The following ARMC7 variants were observed in gnomAD, a reference collection of about 807,000 sequenced individuals.
ARMC7 encodes the protein armadillo repeat-containing protein 7.
In ARMC7, 9 loss-of-function variants were observed where a neutral mutation model predicts 14.8. The ratio of observed to expected loss-of-function variants is 0.61; its 90% CI spans 0.37 to 1.06. ARMC7 has a LOEUF of 1.06. ARMC7 is among the 50% of genes least tolerant of loss of function. ARMC7 has a pLI of 0.01. For synonymous variants in ARMC7, 125 were observed against 123.4 expected (o/e 1.01, Z -0.09); for missense variants, 262 against 267.1 (o/e 0.98, Z 0.13).
chr17:75,127,760 A>G (rs1307076462), intron 2 of ARMC7, among the ~76,000 whole-genome samples: 1 of 152,054 alleles, frequency 6.6e-6, no homozygotes, highest in East Asian at 1.9e-4. Context: ...ATGCCTGGCT[A>G]ATTGTGTGTG....
At chr17:75,116,744 G>A (rs537977145) in intron 2 of ARMC7, among the ~76,000 whole-genome samples, 25 of 152,330 alleles carry the variant, frequency 1.6e-4, no homozygotes, top group Non-Finnish European at 2.4e-4. Flanking sequence ...ATTGTGGAGC[G>A]AAAGCGAGAA....
rs989033614 is a variant in ARMC7 at position 75,128,947 on chromosome 17, C to T, written c.506C>T (p.Ser169Phe). Reference protein sequence around the residue: ...LAQIFLEDFCSPRQVAEARSR... With the variant: ...LAQIFLEDFCFPRQVAEARSR... ...CAGATCTTCCTGGAGGACTTCTGCT[C>T]CCCCCGCCAGGTGGCCGAGGCCCGC... The change falls in exon 3 of 3, where the codon TCC becomes TTC. Residue 169 changes from serine to phenylalanine, a missense_variant. Coordinates refer to ENST00000245543, the MANE Select transcript of ARMC7 (RefSeq NM_024585.4). 17 of 1,605,720 alleles carry T rather than the reference C, an allele frequency of 1.1e-5. No individual in the cohort carries two copies. Among genetic ancestry groups the T allele is most frequent in the East Asian group, 2.2e-5 (1 of 44,842 alleles).
chr17:75,126,015 T>A (rs1044108214), intron 2 of ARMC7, among the ~76,000 whole-genome samples: 3 of 152,126 alleles, frequency 2.0e-5, no homozygotes, highest in Non-Finnish European at 4.4e-5. Context: ...CTTAGTTGGG[T>A]TTCAGGTTCA....
chr17:75,117,049 A>G lies in ARMC7; in HGVS notation c.235+6443A>G, dbSNP rs543880106. Among the ~76,000 whole-genome samples the G allele has an allele frequency of 2.0e-5, 3 of 152,274 alleles. No homozygotes were observed. The East Asian group carries it at 5.8e-4, about 29-fold the overall frequency. On this transcript the variant is annotated intron_variant, in intron 2 of 2. Transcript: ENST00000245543. Reference sequence around the variant, plus strand: ...AAGGCCAATTACTGACAAAAATCGCAGTGAGAAAGTGAGGCTTTGTTTTTG... The same window carrying G: ...AAGGCCAATTACTGACAAAAATCGCGGTGAGAAAGTGAGGCTTTGTTTTTG...
intron 2 of ARMC7, among the ~76,000 whole-genome samples, chr17:75,120,586 G>A (rs1253413851): frequency 6.6e-6 from 1 of 152,072 alleles, no homozygotes; most frequent in Non-Finnish European, 1.5e-5. Flanking sequence ...AGGCCGAGGC[G>A]GGCGGATCAC....
At chr17:75,119,713 GC>G (rs766063110) in intron 2 of ARMC7, among the ~76,000 whole-genome samples, 1 of 151,248 alleles carries the variant, frequency 6.6e-6, no homozygotes, top group Non-Finnish European at 1.5e-5. Flanking sequence ...GCCTGCCTCG[GC>G]CCTCTCAAAG....
intron 2 of ARMC7, among the ~76,000 whole-genome samples, chr17:75,126,296 ACAT>A: frequency 6.6e-6 from 1 of 152,256 alleles, no homozygotes; most frequent in South Asian, 2.1e-4. Context: ...AGAGGTCATT[ACAT>A]TGAGGGGGCC....
chr17:75,122,617 C>T (rs1426828074), intron 2 of ARMC7, among the ~76,000 whole-genome samples: 1 of 152,060 alleles, frequency 6.6e-6, no homozygotes, highest in Non-Finnish European at 1.5e-5. Flanking sequence ...CCTGCCTCAC[C>T]ACCCAAAGTG....
intron 2 of ARMC7, among the ~76,000 whole-genome samples, chr17:75,123,555 G>T (rs1015753094): frequency 6.6e-6 from 1 of 151,748 alleles, no homozygotes; most frequent in Non-Finnish European, 1.5e-5. Context: ...GAGTTTCACC[G>T]TGTTAGCCAG....
At chr17:75,111,599 A>T (rs2073923429) in intron 2 of ARMC7, among the ~76,000 whole-genome samples, 1 of 151,590 alleles carries the variant, frequency 6.6e-6, no homozygotes, top group Non-Finnish European at 1.5e-5. Flanking sequence ...AAAAAAAAAA[A>T]AAATTAGTCT....
At chr17:75,124,419 C>T (rs535384088) in intron 2 of ARMC7, among the ~76,000 whole-genome samples, 1 of 152,312 alleles carries the variant, frequency 6.6e-6, no homozygotes, top group South Asian at 2.1e-4. Flanking sequence ...GTGGCAGTGC[C>T]CTGCCCAGGC....
At position 75,129,027 on chromosome 17, in the gene ARMC7, C is replaced by T. The variant is rs373335843; in HGVS notation, c.586C>T (p.Arg196Trp). The T allele has an allele frequency of 3.2e-5, 51 of 1,596,658 alleles. No homozygotes were observed. The highest frequency in any genetic ancestry group is 8.0e-5 in the African/African-American group (6 of 74,878). ...CCCACTGCCGAGGAGCGTGGCCCCACGGCAGCGCTGATCCATGGAGACTGC... is the reference window on the plus strand; with the variant it reads ...CCCACTGCCGAGGAGCGTGGCCCCATGGCAGCGCTGATCCATGGAGACTGC... ...GIPLPRSVAP[R>W]QR The change falls in exon 3 of 3, where the codon CGG becomes TGG. Residue 196 changes from arginine to tryptophan, a missense_variant. Coordinates refer to ENST00000245543, the MANE Select transcript of ARMC7 (RefSeq NM_024585.4).
rs114983218 is a variant in ARMC7 at position 75,127,206 on chromosome 17, C to T, written c.236-1471C>T. Among the ~76,000 whole-genome samples the T allele has an allele frequency of 1.7e-3, 265 of 152,258 alleles. 2 individuals are homozygous for T. The highest frequency in any genetic ancestry group is 6.1e-3 in the African/African-American group (252 of 41,562). On this transcript the variant is annotated intron_variant, in intron 2 of 2. Coordinates refer to ENST00000245543, the MANE Select transcript of ARMC7 (RefSeq NM_024585.4). ...CTGGACAACATAGGGAGATCCCACC[C>T]CATCTCAGAAAACTGACCAAGCAGC...
intron 2 of ARMC7, among the ~76,000 whole-genome samples, chr17:75,125,236 C>T (rs776479992): frequency 9.9e-5 from 15 of 152,188 alleles, no homozygotes; most frequent in Admixed American, 5.9e-4. Context: ...TGACCATCTG[C>T]GGTTCTTTGA....
At chr17:75,126,370 T>C (rs1040782047) in intron 2 of ARMC7, among the ~76,000 whole-genome samples, 10 of 152,150 alleles carry the variant, frequency 6.6e-5, no homozygotes, top group Non-Finnish European at 1.3e-4. Flanking sequence ...AGTTCTTTGA[T>C]CCAGAACCAC....
At chr17:75,124,336 G>A (rs2074035510) in intron 2 of ARMC7, among the ~76,000 whole-genome samples, 1 of 152,196 alleles carries the variant, frequency 6.6e-6, no homozygotes, top group Non-Finnish European at 1.5e-5. Flanking sequence ...AGGCCTCTGT[G>A]TGGGGAGGGA....
At chr17:75,116,309 T>C (rs566505323) in intron 2 of ARMC7, among the ~76,000 whole-genome samples, 2 of 152,312 alleles carry the variant, frequency 1.3e-5, no homozygotes, top group East Asian at 3.9e-4. Context: ...AGAGAGGTTC[T>C]GTGGGCTGGC....
chr17:75,114,977 G>A (rs964988799), intron 2 of ARMC7: 9 of 377,858 alleles, frequency 2.4e-5, no homozygotes, highest in African/African-American at 8.3e-5. Flanking sequence ...TCTGTGCTGC[G>A]CTTTGGAGCT....
chr17:75,123,568 C>T (rs1352061700), intron 2 of ARMC7, among the ~76,000 whole-genome samples: 4 of 151,788 alleles, frequency 2.6e-5, no homozygotes, highest in Admixed American at 6.6e-5. Context: ...TTAGCCAGGA[C>T]GGTCTTGATC....
Sources: allele counts gnomAD v4.1 joint callset (sites outside exome capture counted in the v4.1 genomes callset), GRCh38; gene constraint gnomAD v4.1.1; transcripts MANE v1.5; gene names NCBI Gene and HGNC (gene_info 2026-07-23, HGNC 2026-07-21).